AGBL4: variants seen among roughly 807,000 people sequenced by gnomAD.
AGBL4 encodes the protein AGBL carboxypeptidase 4.
In AGBL4, 58 loss-of-function variants were observed where a neutral mutation model predicts 66.4. That is an observed-to-expected ratio of 0.87 (90% CI 0.71 to 1.09). AGBL4 has a LOEUF of 1.09. AGBL4 is among the 50% of genes least tolerant of loss of function. AGBL4 has a pLI of 0.00. For synonymous variants in AGBL4, 234 were observed against 222.9 expected, an observed-to-expected ratio of 1.05 and a Z score of -0.44; for missense variants, 579 against 631.0, an observed-to-expected ratio of 0.92 and a Z score of 0.88.
intron 2 of AGBL4, chr1:49,842,151 A>C: frequency 2.6e-6 from 1 of 391,070 alleles, no homozygotes; most frequent in Non-Finnish European, 4.9e-6. Context: ...AGGACCACCC[A>C]CACTGCATTG....
intron 11 of AGBL4, among the ~76,000 whole-genome samples, chr1:48,581,349 A>C (rs1402724085): frequency 6.6e-6 from 1 of 152,112 alleles, no homozygotes; most frequent in East Asian, 1.9e-4. Flanking sequence ...CCTTCCCCTT[A>C]AGAGCCAGCA....
At chr1:49,751,620 T>G (rs945489128) in intron 2 of AGBL4, among the ~76,000 whole-genome samples, 3 of 152,178 alleles carry the variant, frequency 2.0e-5, no homozygotes, top group Admixed American at 6.6e-5. Context: ...GGAGTACCTC[T>G]TGTTCTGTTG....
Position 49,736,804 on chromosome 1 carries a change from C to G in AGBL4, c.158-39367G>C, listed in dbSNP as rs562520316. Among the ~76,000 whole-genome samples the G allele has an allele frequency of 4.0e-5, 6 of 151,698 alleles. No individual in the cohort carries two copies. The East Asian group carries it at 9.7e-4, about 24-fold the overall frequency. ...TGTAACTTCCCAAATCTATAGGAATCTTACATCAACAAGGGAAAAAAAAAA... is the reference window on the plus strand; with the variant it reads ...TGTAACTTCCCAAATCTATAGGAATGTTACATCAACAAGGGAAAAAAAAAA... On this transcript the variant is annotated intron_variant, in intron 2 of 13. Transcript: ENST00000371839.
chr1:50,018,095 A>T (rs1662128501), intron 1 of AGBL4, among the ~76,000 whole-genome samples: 2 of 152,174 alleles, frequency 1.3e-5, no homozygotes, highest in Non-Finnish European at 2.9e-5. Context: ...ATTTTTCAAA[A>T]TATTTATTTA....
intron 3 of AGBL4, among the ~76,000 whole-genome samples, chr1:49,566,369 A>C (rs1478647742): frequency 6.6e-6 from 1 of 151,950 alleles, no homozygotes; most frequent in Non-Finnish European, 1.5e-5. Flanking sequence ...GGAGGAGGAG[A>C]GGCGCTCTGA....
chr1:48,532,499 C>T (rs755523433), downstream of AGBL4, among the ~76,000 whole-genome samples: 4 of 152,114 alleles, frequency 2.6e-5, no homozygotes, highest in Non-Finnish European at 5.9e-5. Flanking sequence ...ACTATATGGG[C>T]CAATATGTGA....
intron 3 of AGBL4, among the ~76,000 whole-genome samples, chr1:49,606,026 CT>C (rs1645057494): frequency 1.3e-5 from 2 of 152,104 alleles, no homozygotes; most frequent in Admixed American, 6.5e-5. Flanking sequence ...AACAGCTACT[CT>C]TTTTGAGCTC....
intron 2 of AGBL4, among the ~76,000 whole-genome samples, chr1:49,702,456 A>T (rs1220260223): frequency 2.6e-5 from 4 of 152,082 alleles, no homozygotes; most frequent in Non-Finnish European, 5.9e-5. Context: ...GTGCCACTGC[A>T]CTCCAGCCTA....
At chr1:49,268,087 C>T (rs1335351775) in intron 3 of AGBL4, 4 of 152,146 alleles carry the variant, frequency 2.6e-5, no homozygotes, top group Non-Finnish European at 5.9e-5. Context: ...AACAGGTTCT[C>T]CTTCCTGCGT....
intron 6 of AGBL4, among the ~76,000 whole-genome samples, chr1:48,827,316 T>C (rs182054394): frequency 2.0e-5 from 3 of 152,298 alleles, no homozygotes; most frequent in African/African-American, 4.8e-5. Context: ...AGAGGAGTAA[T>C]AGGGAAAGTA....
intron 3 of AGBL4, among the ~76,000 whole-genome samples, chr1:49,371,248 G>GATAGATACATACATAC (rs1220363831): frequency 1.4e-4 from 19 of 137,976 alleles, no homozygotes; most frequent in African/African-American, 2.7e-4. Context: ...TAGATAGATA[G>GATAGATACATACATAC]ATACATACAT....
At chr1:48,708,414 T>G (rs964822092) in intron 6 of AGBL4, among the ~76,000 whole-genome samples, 6 of 152,092 alleles carry the variant, frequency 3.9e-5, no homozygotes, top group Non-Finnish European at 7.3e-5. Flanking sequence ...ACAATGATTC[T>G]GAGACAAGGC....
In AGBL4 at chr1:49,987,152, T is replaced by C. The variant is rs140594345; in HGVS notation, c.34+36611A>G. Among the ~76,000 whole-genome samples, 846 of 152,234 alleles carry C rather than the reference T, an allele frequency of 5.6e-3. 3 individuals are homozygous for C. Among genetic ancestry groups the C allele is most frequent in the Non-Finnish European group, 9.0e-3 (614 of 67,910 alleles). On this transcript the variant is annotated intron_variant, in intron 1 of 13. Coordinates refer to ENST00000371839, the MANE Select transcript of AGBL4 (RefSeq NM_032785.4). The stretch of plus-strand genomic sequence containing the variant: ...TAGCATGACTGCCAACTATATTTAA[T>C]GCTTTGCAAGGCATTGTTTATACTT...
At chr1:48,706,053 A>G (rs1280145310) in intron 6 of AGBL4, among the ~76,000 whole-genome samples, 2 of 152,196 alleles carry the variant, frequency 1.3e-5, no homozygotes, top group Non-Finnish European at 1.5e-5. Context: ...AAAAAGCAAA[A>G]AAAGAGCAAC....
intron 6 of AGBL4, among the ~76,000 whole-genome samples, chr1:48,715,188 C>T (rs1290418036): frequency 6.6e-6 from 1 of 151,974 alleles, no homozygotes; most frequent in East Asian, 1.9e-4. Flanking sequence ...CATACCTTGC[C>T]TCATACTGCT....
chr1:49,566,863 G>C (rs1391741412), intron 3 of AGBL4, among the ~76,000 whole-genome samples: 3 of 152,220 alleles, frequency 2.0e-5, no homozygotes, highest in African/African-American at 7.2e-5. Context: ...GGTTATTGCT[G>C]TCTTTTGTTT....
At chr1:48,902,435 G>A (rs72893769) in intron 5 of AGBL4, among the ~76,000 whole-genome samples, 1 of 152,126 alleles carries the variant, frequency 6.6e-6, no homozygotes, top group Non-Finnish European at 1.5e-5. Flanking sequence ...ATCTAGAAGA[G>A]AAGAAAAGCA....
At chr1:49,229,358 G>A (rs567275844) in intron 4 of AGBL4, among the ~76,000 whole-genome samples, 15 of 152,314 alleles carry the variant, frequency 9.8e-5, no homozygotes, top group Non-Finnish European at 1.9e-4. Flanking sequence ...CGTAAGAAAG[G>A]AAGAACATTT....
intron 4 of AGBL4, among the ~76,000 whole-genome samples, chr1:49,156,234 C>T (rs553694258): frequency 6.6e-6 from 1 of 152,150 alleles, no homozygotes; most frequent in Non-Finnish European, 1.5e-5. Context: ...CTAGAGTAGA[C>T]AATAGATGGG....
Sources: gnomAD v4.1 joint callset for allele counts (sites outside exome capture counted in the v4.1 genomes callset) on GRCh38, gnomAD v4.1.1 for gene constraint, MANE v1.5 for transcripts, NCBI Gene and HGNC (gene_info 2026-07-23, HGNC 2026-07-21) for gene names.